The following LAMA3 variants were observed in gnomAD, a reference collection of about 807,000 sequenced individuals.
LAMA3 encodes laminin subunit alpha-3.
A neutral mutation model predicts 402.0 loss-of-function variants in LAMA3; 281 were observed. The observed-to-expected ratio is 0.70, with a 90% CI of 0.63 to 0.77. LAMA3 has a LOEUF of 0.77. Among genes scored for constraint, LAMA3 ranks in the 30% least tolerant of loss-of-function variants. The probability of loss-of-function intolerance (pLI) is 0.00; values close to 1 mark genes in which losing one functional copy is unlikely to be tolerated. For synonymous variants in LAMA3, 1,431 were observed against 1,558.4 expected (o/e 0.92, Z 1.93); for missense variants, 3,840 against 4,215.5 (o/e 0.91, Z 2.47).
At chr18:23,814,134 A>C (rs556536818) in intron 14 of LAMA3, among the ~76,000 whole-genome samples, 34 of 152,394 alleles carry the variant, frequency 2.2e-4, no homozygotes, top group Admixed American at 1.3e-3. Context: ...TGTTATAAAT[A>C]AGAGTGATTT....
rs536992109 is a variant in LAMA3, at chr18:23,748,569, C to T, written c.565+509C>T. Among the ~76,000 whole-genome samples, 200 of 149,466 alleles carry T rather than the reference C, an allele frequency of 1.3e-3. 2 individuals are homozygous for T. Among genetic ancestry groups the T allele is most frequent in the African/African-American group, 1.8e-3 (73 of 40,666 alleles). ...CAGCACTTTGGGAAGCCAAGGCAGGCGGGTCACTTGAGGTCAGGAGTTTGA... is the reference window on the plus strand; with the variant it reads ...CAGCACTTTGGGAAGCCAAGGCAGGTGGGTCACTTGAGGTCAGGAGTTTGA... On this transcript the variant is annotated intron_variant, in intron 3 of 74. Coordinates refer to ENST00000313654, the MANE Select transcript of LAMA3 (RefSeq NM_198129.4).
intron 18 of LAMA3, among the ~76,000 whole-genome samples, chr18:23,817,692 G>A (rs1437745030): frequency 6.6e-6 from 1 of 152,188 alleles, no homozygotes; most frequent in Non-Finnish European, 1.5e-5. Flanking sequence ...TACAGCCTGA[G>A]TGACAGAGCA....
In LAMA3 at chr18:23,912,007, AAT is replaced by A. The variant is rs1274274534; in HGVS notation, c.7159-696_7159-695del. 6.9e-5 allele frequency among the ~76,000 whole-genome samples: 10 copies of A among 145,426 alleles called. No homozygotes were observed. In the South Asian group the frequency reaches 1.3e-3, roughly 18 times the overall value. ...ATATTAAAATGTATATTTATATATA[AAT>A]ATATATAATACATAATTATATATAA... On this transcript the variant is annotated intron_variant, in intron 55 of 74. Coordinates refer to ENST00000313654, the MANE Select transcript of LAMA3 (RefSeq NM_198129.4).
At chr18:23,858,891 T>C (rs2064149879) in intron 34 of LAMA3, 62 bp downstream of exon 34, 23 of 1,500,472 alleles carry the variant, frequency 1.5e-5, no homozygotes, top group African/African-American at 2.7e-5. Context: ...ATGATAAGCA[T>C]ATCCCTCGCT....
intron 70 of LAMA3, among the ~76,000 whole-genome samples, chr18:23,948,895 T>C (rs2082804795): frequency 6.6e-6 from 1 of 152,206 alleles, no homozygotes; most frequent in South Asian, 2.1e-4. Flanking sequence ...AGTTACCATA[T>C]CTTTATTACC....
chr18:23,845,936 A>G (rs910245076), intron 30 of LAMA3, among the ~76,000 whole-genome samples: 1 of 152,214 alleles, frequency 6.6e-6, no homozygotes, highest in Admixed American at 6.5e-5. Flanking sequence ...CCTCCTCATT[A>G]TCATTTTATT....
At chr18:23,746,001 T>G (rs936900414) in intron 2 of LAMA3, among the ~76,000 whole-genome samples, 6 of 152,208 alleles carry the variant, frequency 3.9e-5, no homozygotes, top group Non-Finnish European at 8.8e-5. Flanking sequence ...ATTCTTGGAT[T>G]TCCTATGAAT....
chr18:23,740,126 A>G (rs1307866549), intron 2 of LAMA3, among the ~76,000 whole-genome samples: 3 of 152,240 alleles, frequency 2.0e-5, no homozygotes, highest in Non-Finnish European at 4.4e-5. Context: ...GACAAGACTC[A>G]GTTATGAAAT....
chr18:23,885,291 C>G (rs1246482627), intron 41 of LAMA3, among the ~76,000 whole-genome samples: 1 of 151,482 alleles, frequency 6.6e-6, no homozygotes, highest in Non-Finnish European at 1.5e-5. Flanking sequence ...CTCTTCCGTA[C>G]ACACACATAT....
intron 1 of LAMA3, among the ~76,000 whole-genome samples, chr18:23,706,064 A>G (rs1176808097): frequency 1.3e-5 from 2 of 152,210 alleles, no homozygotes; most frequent in Non-Finnish European, 2.9e-5. Context: ...TCATAACTTT[A>G]TAAAAAGTAT....
chr18:23,823,762 GTTTA>G (rs1258385416), intron 20 of LAMA3, among the ~76,000 whole-genome samples: 2 of 152,188 alleles, frequency 1.3e-5, no homozygotes, highest in Non-Finnish European at 2.9e-5. Flanking sequence ...AGATGCAATA[GTTTA>G]TTTCTTTCTG....
intron 4 of LAMA3, among the ~76,000 whole-genome samples, chr18:23,750,433 T>G (rs961298552): frequency 2.7e-3 from 4 of 1,474 alleles, no homozygotes; most frequent in African/African-American, 8.3e-3. Context: ...GTTTACACAG[T>G]TTTTTTTTTT....
chr18:23,887,873 A>C (rs537908648), intron 41 of LAMA3, among the ~76,000 whole-genome samples: 3 of 152,378 alleles, frequency 2.0e-5, no homozygotes, highest in Non-Finnish European at 4.4e-5. Context: ...TCGTGAAATC[A>C]GGAGGTTTTA....
chr18:23,906,795 C>A (rs1237919264), intron 52 of LAMA3, among the ~76,000 whole-genome samples: 1 of 152,188 alleles, frequency 6.6e-6, no homozygotes, highest in East Asian at 1.9e-4. Context: ...ATTTGAGCTT[C>A]GAGGTAGGCT....
At chr18:23,909,445 T>C in intron 55 of LAMA3, 150 bp downstream of exon 55, 1 of 768,894 alleles carries the variant, frequency 1.3e-6, no homozygotes, top group Non-Finnish European at 2.2e-6. Context: ...AGATTGATTT[T>C]CTCCTGTCAT....
At chr18:23,776,312 C>T (rs1373387082) in intron 10 of LAMA3, among the ~76,000 whole-genome samples, 1 of 152,102 alleles carries the variant, frequency 6.6e-6, no homozygotes, top group Non-Finnish European at 1.5e-5. Flanking sequence ...GAAACGTTTC[C>T]TCTCTCCTGC....
chr18:23,946,080 A>G (rs1266734401), intron 69 of LAMA3, 64 bp from the exon 70 acceptor site: 11 of 1,502,646 alleles, frequency 7.3e-6, no homozygotes, highest in Non-Finnish European at 9.3e-6. Context: ...ACTAATATTT[A>G]ATAAAATACA....
chr18:23,943,843 A>G lies in LAMA3; in HGVS notation c.9082A>G (p.Thr3028Ala). Residue 3028 changes from threonine (T) to alanine (A), a missense_variant, in exon 69 of 75, where the codon ACG becomes GCG. Around this residue, in one of 3 missense-constraint regions of LAMA3, gnomAD observed 840 missense variants for 981.9 expected, o/e 0.86. Coordinates refer to ENST00000313654, the MANE Select transcript of LAMA3 (RefSeq NM_198129.4). Reference sequence around the variant, plus strand: ...ATCCTCCAGAGGACTGGTGTTTCACACGGGCACTAAGAACTCCTTTATGGC... The same window carrying G: ...ATCCTCCAGAGGACTGGTGTTTCACGCGGGCACTAAGAACTCCTTTATGGC... ...TTSSRGLVFH[T>A]GTKNSFMALY... The G allele has an allele frequency of 6.2e-7, 1 of 1,613,986 alleles. No individual in the cohort carries two copies. Among genetic ancestry groups the G allele is most frequent in the Non-Finnish European group, 8.5e-7 (1 of 1,179,860 alleles).
chr18:23,866,669 A>G (rs1237694890), intron 36 of LAMA3, among the ~76,000 whole-genome samples: 2 of 152,230 alleles, frequency 1.3e-5, no homozygotes, highest in African/African-American at 4.8e-5. Flanking sequence ...TGTGCAAACC[A>G]TTAGAATTCA....
Sources: allele counts gnomAD v4.1 joint callset (sites outside exome capture counted in the v4.1 genomes callset), GRCh38; gene constraint gnomAD v4.1.1; regional missense constraint gnomAD v4.1.1; transcripts MANE v1.5; gene names NCBI Gene and HGNC (gene_info 2026-07-23, HGNC 2026-07-21).